The following NRP2 variants were observed in gnomAD, a reference collection of about 807,000 sequenced individuals.
NRP2 encodes the protein neuropilin 2, also known as neuropilin-2.
In NRP2, 52 loss-of-function variants were observed where a neutral mutation model predicts 110.4. The ratio of observed to expected loss-of-function variants is 0.47; its 90% CI spans 0.38 to 0.59. NRP2 has a LOEUF of 0.59. Ranked by LOEUF, NRP2 falls within the 20% of genes least tolerant of loss-of-function variation. The pLI is 0.00. For synonymous variants in NRP2, 508 were observed against 468.9 expected (o/e 1.08, Z -1.08); for missense variants, 1,049 against 1,203.0 (o/e 0.87, Z 1.89).
intron 8 of NRP2, among the ~76,000 whole-genome samples, chr2:205,741,743 T>A (rs2057445815): frequency 1.3e-5 from 2 of 152,232 alleles, no homozygotes; most frequent in Non-Finnish European, 2.9e-5. Context: ...GGTCTGACCC[T>A]GTTTGAGGTT....
At chr2:205,764,188 T>G in intron 13 of NRP2, 1 of 531,298 alleles carries the variant, frequency 1.9e-6, no homozygotes, top group Non-Finnish European at 3.3e-6. Context: ...CCTCTCCATT[T>G]TATTTTAGAT....
chr2:205,770,632 G>A (rs1575660100), intron 15 of NRP2, among the ~76,000 whole-genome samples: 1 of 152,216 alleles, frequency 6.6e-6, no homozygotes, highest in East Asian at 1.9e-4. Context: ...CCTTCTCCTA[G>A]AAGCACTTCT....
intron 15 of NRP2, chr2:205,767,522 G>T (rs2057945844): frequency 2.3e-6 from 1 of 443,704 alleles, no homozygotes. Context: ...CCCCGAGAAA[G>T]CAGAGAGAGC....
At chr2:205,701,511 C>A (rs2056557134) in intron 2 of NRP2, 1 of 148,674 alleles carries the variant, frequency 6.7e-6, no homozygotes, top group African/African-American at 2.5e-5. Flanking sequence ...TGCACTCCGG[C>A]CTGGGTGAAA....
In NRP2 at chr2:205,796,358, A is replaced by C. The variant is rs2058351703; in HGVS notation, c.*1300A>C. 1 of 152,612 alleles carries C rather than the reference A, an allele frequency of 6.6e-6. No homozygotes were observed. The highest frequency in any genetic ancestry group is 6.5e-5 in the Admixed American group (1 of 15,276). 9.5% of individuals were successfully genotyped at this position (152,612 alleles called of 1,614,324 possible). On this transcript the variant is annotated 3_prime_UTR_variant, in exon 17 of 17. Coordinates refer to ENST00000357785, the MANE Select transcript of NRP2 (RefSeq NM_003872.3). ...CAAGTACTGTGGACAAGAATGCTTA[A>C]CCATGCTGCTTCAGCCTTGAGAGAC... is the stretch of plus-strand genomic sequence containing the variant.
chr2:205,684,141 G>A (rs1041787401), intron 1 of NRP2, among the ~76,000 whole-genome samples: 2 of 152,220 alleles, frequency 1.3e-5, no homozygotes, highest in Non-Finnish European at 2.9e-5. Flanking sequence ...AAGGGTGTGT[G>A]GACAGGCTGC....
intron 10 of NRP2, among the ~76,000 whole-genome samples, chr2:205,747,750 T>C (rs2057564814): frequency 6.6e-6 from 1 of 152,060 alleles, no homozygotes; most frequent in Admixed American, 6.5e-5. Flanking sequence ...CTTCCCCCCA[T>C]CCCTTGCCCT....
At chr2:205,783,342 T>C (rs1225412506) in intron 15 of NRP2, among the ~76,000 whole-genome samples, 2 of 152,214 alleles carry the variant, frequency 1.3e-5, no homozygotes, top group African/African-American at 4.8e-5. Context: ...CTGTTCTCCA[T>C]GATTAATGAG....
In NRP2 at chr2:205,697,730, C is replaced by T. The variant is rs187417335; in HGVS notation, c.251+9C>T. On this transcript the variant is annotated intron_variant, in intron 2 of 16. Transcript: ENST00000357785. ...GAGAAGCACGACTGCAAGTAAGCAC[C>T]GTCCTGTCCCACTGTGTATCCCATC... is the stretch of plus-strand genomic sequence containing the variant. 208 of 1,613,640 alleles carry T rather than the reference C, an allele frequency of 1.3e-4. 2 individuals carry two copies. The African/African-American group carries it at 2.4e-3, about 19-fold the overall frequency.
intron 15 of NRP2, chr2:205,778,719 C>A (rs527473297): frequency 2.0e-5 from 3 of 152,304 alleles, no homozygotes; most frequent in African/African-American, 7.2e-5. Flanking sequence ...CCTGATGATT[C>A]CCCTTCTGTA....
intron 1 of NRP2, among the ~76,000 whole-genome samples, chr2:205,691,076 A>G (rs1345342488): frequency 6.6e-6 from 1 of 152,162 alleles, no homozygotes; most frequent in African/African-American, 2.4e-5. Context: ...TCCTTTGGTC[A>G]CTTCTTAATT....
At chr2:205,785,418 A>G (rs1409621854) in intron 15 of NRP2, among the ~76,000 whole-genome samples, 2 of 152,110 alleles carry the variant, frequency 1.3e-5, no homozygotes, top group South Asian at 2.1e-4. Flanking sequence ...AAGAGGGGGA[A>G]AAAACAGCAG....
chr2:205,701,712 C>T (rs542679835), intron 2 of NRP2, among the ~76,000 whole-genome samples: 8 of 152,228 alleles, frequency 5.3e-5, no homozygotes, highest in East Asian at 1.9e-4. Context: ...TCATATACCA[C>T]GTATCATTGA....
chr2:205,726,013 A>G lies in NRP2; in HGVS notation c.921A>G (p.Gln307=). ...STYSDGRWTP[Q]QSRLHGDDNG... ...ACTCTGATGGGAGGTGGACCCCTCA[A>G]CAAAGCCGGCTCCATGGTGATGACA... Residue 307 remains glutamine (Q), a synonymous_variant, in exon 6 of 17, where the codon CAA becomes CAG. Transcript: ENST00000357785. The G allele has an allele frequency of 6.2e-7, 1 of 1,614,220 alleles. No homozygotes were observed. The highest frequency in any genetic ancestry group is 8.5e-7 in the Non-Finnish European group (1 of 1,180,038).
At chr2:205,749,902 G>A (rs934552392) in intron 11 of NRP2, 61 bp downstream of exon 11, 4 of 1,343,426 alleles carry the variant, frequency 3.0e-6, no homozygotes, top group Non-Finnish European at 4.3e-6. Flanking sequence ...GAGCTGGCCT[G>A]TGGCTGGACA....
At chr2:205,774,552 AGAG>A (rs2105942858) in intron 15 of NRP2, among the ~76,000 whole-genome samples, 1 of 152,340 alleles carries the variant, frequency 6.6e-6, no homozygotes, top group South Asian at 2.1e-4. Context: ...TGGTCACCCA[AGAG>A]GTGCCAATGA....
At chr2:205,729,972 C>T (rs2057204477) in intron 7 of NRP2, among the ~76,000 whole-genome samples, 1 of 152,024 alleles carries the variant, frequency 6.6e-6, no homozygotes, top group Non-Finnish European at 1.5e-5. Context: ...TTTTGTTTTA[C>T]TGAATTAGTC....
At chr2:205,759,179 C>T (rs1459674473) in intron 12 of NRP2, among the ~76,000 whole-genome samples, 1 of 152,088 alleles carries the variant, frequency 6.6e-6, no homozygotes, top group African/African-American at 2.4e-5. Flanking sequence ...TGAACCATGC[C>T]CTAGGAAGTA....
intron 2 of NRP2, among the ~76,000 whole-genome samples, chr2:205,706,669 T>C (rs2056683925): frequency 6.6e-6 from 1 of 152,106 alleles, no homozygotes; most frequent in African/African-American, 2.4e-5. Flanking sequence ...AACTATTATT[T>C]TGGGGGGTCA....
Sources: allele counts gnomAD v4.1 joint callset (sites outside exome capture counted in the v4.1 genomes callset), GRCh38; gene constraint gnomAD v4.1.1; transcripts MANE v1.5; gene names NCBI Gene and HGNC (gene_info 2026-07-23, HGNC 2026-07-21).